RYR2: variants seen among roughly 807,000 people sequenced by gnomAD.
RYR2 encodes cardiac muscle ryanodine receptor-calcium release channel.
A neutral mutation model predicts 601.1 loss-of-function variants in RYR2; 227 were observed. The ratio of observed to expected loss-of-function variants is 0.38; its 90% CI spans 0.34 to 0.42. The LOEUF (loss-of-function observed/expected upper bound fraction) is 0.42. Among genes scored for constraint, RYR2 ranks in the 10% least tolerant of loss-of-function variants. The pLI is 1.00. For synonymous variants in RYR2, 2,223 were observed against 2,175.1 expected (o/e 1.02, Z -0.61); for missense variants, 4,646 against 6,156.5 (o/e 0.75, Z 8.21).
At chr1:237,661,929 T>G (rs1213088656) in intron 56 of RYR2, among the ~76,000 whole-genome samples, 2 of 152,206 alleles carry the variant, frequency 1.3e-5, no homozygotes, top group Non-Finnish European at 2.9e-5. Context: ...TCATGTGAGC[T>G]GCTTACCTTT....
intron 9 of RYR2, 61 bp downstream of exon 9, chr1:237,387,441 G>A: frequency 6.9e-7 from 1 of 1,454,188 alleles, no homozygotes; most frequent in Non-Finnish European, 9.6e-7. Flanking sequence ...GTCATCTTTG[G>A]AATTGTGATA....
intron 1 of RYR2, among the ~76,000 whole-genome samples, chr1:237,085,649 G>T (rs1433770174): frequency 2.0e-5 from 3 of 152,196 alleles, no homozygotes; most frequent in African/African-American, 7.2e-5. Flanking sequence ...GAGGTGAACT[G>T]CCCCATTACT....
intron 73 of RYR2, among the ~76,000 whole-genome samples, chr1:237,720,905 C>T (rs564178276): frequency 6.6e-6 from 1 of 152,246 alleles, no homozygotes. Flanking sequence ...ATTCAGGAGA[C>T]AGGAAGAAGG....
At chr1:237,560,402 C>T (rs1222683093) in intron 27 of RYR2, among the ~76,000 whole-genome samples, 2 of 152,172 alleles carry the variant, frequency 1.3e-5, no homozygotes, top group African/African-American at 2.4e-5. Context: ...CAAGTCTTAC[C>T]GATGGAATTT....
At chr1:237,451,017 A>T (rs1413398228) in intron 14 of RYR2, among the ~76,000 whole-genome samples, 1 of 149,392 alleles carries the variant, frequency 6.7e-6, no homozygotes, top group East Asian at 2.0e-4. Flanking sequence ...GCATATATAT[A>T]TATCCAGTAA....
At chr1:237,217,282 C>T (rs1683293549) in intron 1 of RYR2, among the ~76,000 whole-genome samples, 1 of 151,792 alleles carries the variant, frequency 6.6e-6, no homozygotes, top group Non-Finnish European at 1.5e-5. Flanking sequence ...GTCTACGTGC[C>T]TGACTTGTTG....
At chr1:237,603,936 C>T (rs1392851900) in intron 35 of RYR2, among the ~76,000 whole-genome samples, 7 of 152,162 alleles carry the variant, frequency 4.6e-5, no homozygotes, top group East Asian at 1.9e-4. Context: ...TCCTTAGAGA[C>T]GTACAAAGAG....
chr1:237,479,314 G>A (rs1661765565), intron 17 of RYR2, among the ~76,000 whole-genome samples: 2 of 152,126 alleles, frequency 1.3e-5, no homozygotes, highest in Admixed American at 1.3e-4. Flanking sequence ...TGTGCTTTTT[G>A]TCAATGTATT....
Position 237,627,949 on chromosome 1 carries a change from A to G in RYR2, c.6309A>G (p.Pro2103=). 1 of 1,613,434 alleles carries G rather than the reference A, an allele frequency of 6.2e-7. No individual in the cohort carries two copies. Among genetic ancestry groups the G allele is most frequent in the African/African-American group, 1.3e-5 (1 of 74,814 alleles). ...DGIGGLVRAL[P]KTYTINGVSV... ...TTGGGGGTCTTGTTCGGGCCCTGCC[A>G]AAGACCTACACGATAAATGGTGTGT... is the stretch of plus-strand genomic sequence containing the variant. The change falls in exon 41 of 105, where the codon CCA becomes CCG. Residue 2103 remains proline, a synonymous_variant. Coordinates refer to ENST00000366574, the MANE Select transcript of RYR2 (RefSeq NM_001035.3).
intron 10 of RYR2, among the ~76,000 whole-genome samples, chr1:237,412,641 C>T (rs1311555980): frequency 6.6e-6 from 1 of 152,118 alleles, no homozygotes; most frequent in Non-Finnish European, 1.5e-5. Context: ...AAAATAGTCT[C>T]CAGTTAACAA....
At chr1:237,816,304 A>G (rs905765269) in intron 100 of RYR2, among the ~76,000 whole-genome samples, 15 of 152,316 alleles carry the variant, frequency 9.8e-5, no homozygotes, top group African/African-American at 3.6e-4. Context: ...AAGATGGTCT[A>G]ACTAAAGAGG....
Position 237,443,995 on chromosome 1 carries a change from T to A in RYR2, c.1171-1406T>A, listed in dbSNP as rs540438465. On this transcript the variant is annotated intron_variant, in intron 13 of 104. Transcript: ENST00000366574. ...AGAGTTGGATTCCTTTTGATTAGTC[T>A]TATTTGGCTAAAAATCTATTCTATT... Among the ~76,000 whole-genome samples the A allele has an allele frequency of 2.6e-5, 4 of 152,344 alleles. No individual in the cohort carries two copies. The South Asian group carries it at 6.2e-4, about 24-fold the overall frequency.
intron 32 of RYR2, 43 bp downstream of exon 32, chr1:237,591,896 C>A: frequency 7.1e-7 from 1 of 1,398,664 alleles, no homozygotes; most frequent in Non-Finnish European, 1.0e-6. Context: ...ATCTGTCACT[C>A]ATTATGTTTT....
At chr1:237,716,569 G>C (rs960215627) in intron 71 of RYR2, among the ~76,000 whole-genome samples, 2 of 152,136 alleles carry the variant, frequency 1.3e-5, no homozygotes, top group South Asian at 4.1e-4. Context: ...CATCACAAGA[G>C]AGCCCTTGAG....
chr1:237,379,023 G>A (rs552438136), intron 8 of RYR2, among the ~76,000 whole-genome samples: 2 of 152,144 alleles, frequency 1.3e-5, no homozygotes, highest in Non-Finnish European at 2.9e-5. Flanking sequence ...TGTGCAGATT[G>A]TAAAATAAGC....
At chr1:237,278,436 A>C (rs769794387) in intron 2 of RYR2, among the ~76,000 whole-genome samples, 23 of 151,832 alleles carry the variant, frequency 1.5e-4, no homozygotes, top group Non-Finnish European at 3.1e-4. Context: ...TTATAGGAAT[A>C]TATTCATCTA....
At chr1:237,202,502 G>A (rs1259545248) in intron 1 of RYR2, among the ~76,000 whole-genome samples, 1 of 152,040 alleles carries the variant, frequency 6.6e-6, no homozygotes, top group Admixed American at 6.6e-5. Context: ...CCACCTCCTG[G>A]CTTCAATTGA....
At chr1:237,117,707 C>CTTCTG (rs1670269378) in intron 1 of RYR2, among the ~76,000 whole-genome samples, 2 of 130,332 alleles carry the variant, frequency 1.5e-5, no homozygotes, top group Non-Finnish European at 3.3e-5. Flanking sequence ...CTTCTCTTCT[C>CTTCTG]TTCTCTTCTC....
At chr1:237,392,505 G>C (rs1472005449) in intron 10 of RYR2, among the ~76,000 whole-genome samples, 2 of 152,062 alleles carry the variant, frequency 1.3e-5, no homozygotes, top group Non-Finnish European at 2.9e-5. Flanking sequence ...CATTCTGGAG[G>C]CTTGACATTT....
Sources: gnomAD v4.1 joint callset for allele counts (sites outside exome capture counted in the v4.1 genomes callset) on GRCh38, gnomAD v4.1.1 for gene constraint, MANE v1.5 for transcripts, NCBI Gene and HGNC (gene_info 2026-07-23, HGNC 2026-07-21) for gene names.